The following SECISBP2 variants were observed in gnomAD, a reference collection of about 807,000 sequenced individuals.
The protein encoded by SECISBP2 is selenocysteine insertion sequence-binding protein 2.
SECISBP2 carries 96 observed loss-of-function variants against 98.2 expected under a neutral mutation model. That is an observed-to-expected ratio of 0.98 (90% CI 0.83 to 1.16). The LOEUF is 1.16. Among genes scored for constraint, SECISBP2 ranks in the 50% most tolerant of loss-of-function variants. SECISBP2 has a pLI of 0.00. For synonymous variants in SECISBP2, 407 were observed against 370.2 expected, an observed-to-expected ratio of 1.10 and a Z score of -1.14; for missense variants, 1,046 against 1,022.9, an observed-to-expected ratio of 1.02 and a Z score of -0.31.
intron 13 of SECISBP2, among the ~76,000 whole-genome samples, chr9:89,350,291 C>T (rs1003461939): frequency 5.9e-5 from 9 of 152,224 alleles, no homozygotes; most frequent in African/African-American, 2.2e-4. Flanking sequence ...ACTCTGCCTT[C>T]TCCCCTGCCC....
chr9:89,318,961 G>A (rs1459113008), intron 1 of SECISBP2: 1 of 1,122,192 alleles, frequency 8.9e-7, no homozygotes, highest in Non-Finnish European at 1.1e-6. Flanking sequence ...AAAGGATCCT[G>A]CGTTTTTCTG....
chr9:89,365,402 G>A, the SECISBP2 span: 3 of 152,512 alleles, frequency 2.0e-5, no homozygotes, highest in Non-Finnish European at 2.9e-5. Flanking sequence ...CTGCTGCCTA[G>A]CGACCCGGCT....
chr9:89,334,303 AT>A (rs1480201397), intron 6 of SECISBP2: 2 of 997,162 alleles, frequency 2.0e-6, no homozygotes, highest in African/African-American at 3.3e-5. Context: ...TTCCAGGAAA[AT>A]TAACCTTACA....
intron 10 of SECISBP2, among the ~76,000 whole-genome samples, chr9:89,346,204 A>G (rs77913245): frequency 0.012 from 1,889 of 152,354 alleles, 40 homozygotes; most frequent in African/African-American, 0.043. Flanking sequence ...ATAAAACTAT[A>G]TGAGAATTAA....
chr9:89,351,524 A>G (rs1449270123), intron 14 of SECISBP2, among the ~76,000 whole-genome samples: 1 of 152,000 alleles, frequency 6.6e-6, no homozygotes. Flanking sequence ...CTTCATCTCC[A>G]TCTAGGCTAG....
intron 7 of SECISBP2, among the ~76,000 whole-genome samples, chr9:89,337,385 G>A (rs1828925269): frequency 2.6e-5 from 4 of 152,126 alleles, no homozygotes; most frequent in Admixed American, 2.0e-4. Context: ...AATGATAAGT[G>A]TAACACTTCA....
At chr9:89,358,587 G>T in intron 16 of SECISBP2, 134 bp from the exon 17 acceptor site, 1 of 726,612 alleles carries the variant, frequency 1.4e-6, no homozygotes, top group South Asian at 1.5e-5. Flanking sequence ...GTGAATGTCT[G>T]CCAGGGCACC....
chr9:89,356,254 C>G (rs1202103219), intron 14 of SECISBP2, among the ~76,000 whole-genome samples: 1 of 152,240 alleles, frequency 6.6e-6, no homozygotes, highest in Non-Finnish European at 1.5e-5. Flanking sequence ...TAACTAATGC[C>G]TGATGATCTG....
downstream of SECISBP2, among the ~76,000 whole-genome samples, chr9:89,362,667 G>A (rs1324832572): frequency 6.6e-6 from 1 of 152,244 alleles, no homozygotes; most frequent in Non-Finnish European, 1.5e-5. Context: ...GAGGCAGGAG[G>A]GCTGGAGAGA....
intron 14 of SECISBP2, chr9:89,355,502 C>G: frequency 1.0e-6 from 1 of 959,062 alleles, no homozygotes; most frequent in Non-Finnish European, 1.2e-6. Context: ...GGATGTTGAC[C>G]TCTTTTAGAT....
At chr9:89,332,241 C>A (rs1034501212) in intron 5 of SECISBP2, among the ~76,000 whole-genome samples, 2 of 152,188 alleles carry the variant, frequency 1.3e-5, no homozygotes, top group Non-Finnish European at 2.9e-5. Flanking sequence ...CACACACACA[C>A]ACACACAGCC....
At chr9:89,361,470 C>G (rs1007308627), downstream of SECISBP2, 1 of 152,142 alleles carries the variant, frequency 6.6e-6, no homozygotes, top group Non-Finnish European at 1.5e-5. Flanking sequence ...CAAGAAGAGA[C>G]GTGTGTGTAA....
chr9:89,357,523 TC>T lies in SECISBP2; in HGVS notation c.2228del (p.Pro743LeufsTer23). 6.2e-7 allele frequency: 1 copy of T among 1,614,152 alleles called. No homozygotes were observed. Among genetic ancestry groups the T allele is most frequent in the Non-Finnish European group, 8.5e-7 (1 of 1,180,030 alleles). ...TGGGGCGCAGTTTGAATAAGGCAGT[TC>T]CTGTCAGTGTGGTGGGGATCTTCAG... ...ALGRSLNKAV[P>X]VSVVGIFSYD... is the part of the protein sequence containing the mutation. On this transcript the variant is annotated frameshift_variant, in exon 15 of 17. Transcript: ENST00000375807. LOFTEE classifies it high-confidence loss of function.
intron 2 of SECISBP2, among the ~76,000 whole-genome samples, chr9:89,320,697 C>T (rs530817779): frequency 1.3e-5 from 2 of 152,126 alleles, no homozygotes; most frequent in Non-Finnish European, 2.9e-5. Context: ...TACATTTTTC[C>T]TTACATTTTC....
chr9:89,337,903 C>G (rs185326521), intron 7 of SECISBP2, among the ~76,000 whole-genome samples: 1 of 152,324 alleles, frequency 6.6e-6, no homozygotes, highest in East Asian at 1.9e-4. Flanking sequence ...CCCAGCTTAG[C>G]CAAATTCTAG....
chr9:89,325,468 C>G lies in SECISBP2; in HGVS notation c.224C>G (p.Thr75Ser). ...GAAGACATGGCCTTTGGAGCTTCAA[C>G]TTTTCCACCTCAGTATTTATCTTCT... ...YTEDMAFGAS[T>S]FPPQYLSSEI... The change falls in exon 3 of 17, where the codon ACT becomes AGT. Residue 75 changes from threonine (T) to serine (S), a missense_variant. By Grantham distance (58) the Thr-to-Ser change is moderately conservative. Coordinates refer to ENST00000375807, the MANE Select transcript of SECISBP2 (RefSeq NM_024077.5). 6.2e-7 allele frequency: 1 copy of G among 1,613,792 alleles called. No individual in the cohort carries two copies.
At chr9:89,342,445 A>G (rs1423453163) in intron 10 of SECISBP2, among the ~76,000 whole-genome samples, 1 of 152,228 alleles carries the variant, frequency 6.6e-6, no homozygotes, top group Non-Finnish European at 1.5e-5. Flanking sequence ...TTTACCCAAA[A>G]GAAGACAGAC....
chr9:89,331,603 ATG>A (rs1827767709), intron 5 of SECISBP2, among the ~76,000 whole-genome samples: 2 of 152,204 alleles, frequency 1.3e-5, no homozygotes, highest in Admixed American at 1.3e-4. Flanking sequence ...GCGTCATTAT[ATG>A]TCTTATGTTT....
intron 6 of SECISBP2, chr9:89,333,919 C>G (rs970104789): frequency 7.6e-6 from 4 of 528,238 alleles, no homozygotes; most frequent in Non-Finnish European, 9.8e-6. Context: ...GTGTAGTTCT[C>G]TAGTGAGGGG....
Sources: allele counts gnomAD v4.1 joint callset (sites outside exome capture counted in the v4.1 genomes callset), GRCh38; gene constraint gnomAD v4.1.1; transcripts MANE v1.5; gene names NCBI Gene and HGNC (gene_info 2026-07-23, HGNC 2026-07-21).